The following ZSCAN25 variants were observed in gnomAD, a reference collection of about 807,000 sequenced individuals.
The protein encoded by ZSCAN25 is zinc finger and SCAN domain containing 25.
In ZSCAN25, 27 loss-of-function variants were observed where a neutral mutation model predicts 38.7. The observed-to-expected ratio is 0.70, with a 90% confidence interval of 0.51 to 0.96. ZSCAN25 has a LOEUF of 0.96. ZSCAN25 is among the 40% of genes least tolerant of loss of function. The probability of loss-of-function intolerance (pLI) is 0.00; values close to 1 mark genes in which losing one functional copy is unlikely to be tolerated. For synonymous variants in ZSCAN25, 273 were observed against 277.7 expected (o/e 0.98, Z 0.17); for missense variants, 637 against 705.9 (o/e 0.90, Z 1.11).
chr7:99,715,186 A>G, the ZSCAN25 span, among the ~76,000 whole-genome samples: 2 of 152,338 alleles, frequency 1.3e-5, no homozygotes, highest in South Asian at 4.1e-4. Flanking sequence ...TAGAAATTAA[A>G]AGGGCAAATA....
At chr7:99,717,633 C>T in the ZSCAN25 span, 12 of 1,613,264 alleles carry the variant, frequency 7.4e-6, no homozygotes, top group Middle Eastern at 1.6e-4. Context: ...CCCACTGGCC[C>T]GAAAGGCTAG....
the ZSCAN25 span, chr7:99,710,584 CTTCTTT>C: frequency 6.9e-7 from 1 of 1,447,624 alleles, no homozygotes; most frequent in Non-Finnish European, 9.2e-7. Context: ...CCTATGCTTC[CTTCTTT>C]TTATTTTGAG....
the ZSCAN25 span, chr7:99,652,153 T>C: frequency 6.7e-6 from 1 of 149,520 alleles, no homozygotes; most frequent in African/African-American, 2.4e-5. Flanking sequence ...TTATGGCATA[T>C]GCAATATATA....
chr7:99,680,539 GCTC>G, the ZSCAN25 span, among the ~76,000 whole-genome samples: 1 of 152,092 alleles, frequency 6.6e-6, no homozygotes, highest in Non-Finnish European at 1.5e-5. Flanking sequence ...GCAGAGGTGA[GCTC>G]CTCAAGGGCA....
the ZSCAN25 span, among the ~76,000 whole-genome samples, chr7:99,695,584 A>G: frequency 2.0e-5 from 3 of 152,164 alleles, no homozygotes; most frequent in East Asian, 3.8e-4. Context: ...TTAGCAAGAG[A>G]GTCCCGGGGT....
At chr7:99,677,270 T>C in the ZSCAN25 span, 1 of 984,858 alleles carries the variant, frequency 1.0e-6, no homozygotes, top group Non-Finnish European at 1.2e-6. Flanking sequence ...AAGGAAGAGG[T>C]TGCCAGACAC....
At chr7:99,643,657 A>C in the ZSCAN25 span, among the ~76,000 whole-genome samples, 1 of 151,962 alleles carries the variant, frequency 6.6e-6, no homozygotes, top group East Asian at 1.9e-4. Flanking sequence ...CCCAAGGAGC[A>C]ACAGCAGATG....
the ZSCAN25 span, chr7:99,648,313 C>A: frequency 4.3e-6 from 7 of 1,612,458 alleles, no homozygotes; most frequent in Non-Finnish European, 5.9e-6. Context: ...ACTCATTCTC[C>A]ACTTAGGGTT....
chr7:99,637,258 A>C (rs1224209081), downstream of ZSCAN25, among the ~76,000 whole-genome samples: 1 of 152,228 alleles, frequency 6.6e-6, no homozygotes, highest in Non-Finnish European at 1.5e-5. Flanking sequence ...TTTTTAAATT[A>C]CTGGTCTTAG....
the ZSCAN25 span, among the ~76,000 whole-genome samples, chr7:99,718,732 G>A: frequency 6.6e-6 from 1 of 152,142 alleles, no homozygotes; most frequent in Non-Finnish European, 1.5e-5. Context: ...ATTTTCAAGT[G>A]ACATAATTGT....
At chr7:99,624,719 G>A (rs565246622) in intron 7 of ZSCAN25, among the ~76,000 whole-genome samples, 1 of 152,310 alleles carries the variant, frequency 6.6e-6, no homozygotes, top group African/African-American at 2.4e-5. Flanking sequence ...CTCAGGTGGT[G>A]GCTGGGTTTG....
the ZSCAN25 span, chr7:99,674,352 GAT>G: frequency 2.1e-6 from 1 of 485,042 alleles, no homozygotes; most frequent in Non-Finnish European, 3.7e-6. Context: ...ACGGCAAGCA[GAT>G]TCCCATTGCA....
chr7:99,660,676 G>A, the ZSCAN25 span: 1 of 1,613,070 alleles, frequency 6.2e-7, no homozygotes, highest in South Asian at 1.1e-5. Flanking sequence ...GGAGAGGAAA[G>A]ACATTTTAGG....
chr7:99,723,307 T>C, the ZSCAN25 span, among the ~76,000 whole-genome samples: 1 of 152,224 alleles, frequency 6.6e-6, no homozygotes, highest in Non-Finnish European at 1.5e-5. Flanking sequence ...AACTGATCGA[T>C]TGATCGACCT....
At chr7:99,695,598 C>G in the ZSCAN25 span, 1 of 691,554 alleles carries the variant, frequency 1.4e-6, no homozygotes. Context: ...CCGGGGTAAA[C>G]CTTGCCATGC....
At chr7:99,666,459 T>C in the ZSCAN25 span, 3 of 869,320 alleles carry the variant, frequency 3.5e-6, no homozygotes, top group Non-Finnish European at 5.6e-6. Flanking sequence ...CCACTCCCTC[T>C]TAGGTGGCTC....
the ZSCAN25 span, chr7:99,735,185 C>G: frequency 6.6e-7 from 1 of 1,526,242 alleles, no homozygotes; most frequent in Non-Finnish European, 9.0e-7. Flanking sequence ...CTTTCCTGCC[C>G]TGCACAGCAG....
the ZSCAN25 span, among the ~76,000 whole-genome samples, chr7:99,653,806 G>T: frequency 1.3e-5 from 2 of 152,202 alleles, no homozygotes; most frequent in Non-Finnish European, 2.9e-5. This position sits in a 1 kb window ranked among gnomAD's most constrained non-coding sequence, Gnocchi z 4.2. Context: ...TATGTACCTA[G>T]CACTTGGTGT....
chr7:99,665,080 A>C, the ZSCAN25 span: 1 of 1,155,122 alleles, frequency 8.7e-7, no homozygotes. Context: ...TGTACCTTTT[A>C]AGTGGATGAA....
Sources: allele counts gnomAD v4.1 joint callset (sites outside exome capture counted in the v4.1 genomes callset), GRCh38; gene constraint gnomAD v4.1.1; non-coding constraint Gnocchi (gnomAD v3.1); transcripts MANE v1.5; gene names NCBI Gene and HGNC (gene_info 2026-07-23, HGNC 2026-07-21).